SLC15A1: variants seen among roughly 807,000 people sequenced by gnomAD.
The protein encoded by SLC15A1 is Caco-2 oligopeptide transporter.
A neutral mutation model predicts 92.9 loss-of-function variants in SLC15A1; 83 were observed. That is an observed-to-expected ratio of 0.89 (90% CI 0.75 to 1.07). The LOEUF is 1.07. SLC15A1 is among the 50% of genes least tolerant of loss of function. The pLI is 0.00. For missense variants in SLC15A1, 857 were observed against 880.1 expected (o/e 0.97, Z 0.33); for synonymous variants, 322 against 318.2 (o/e 1.01, Z -0.13).
rs1361313592 is a variant in SLC15A1, at chr13:98,707,853, G to C, written c.1149+833C>G. Among the ~76,000 whole-genome samples, 7 of 130,096 alleles carry C rather than the reference G, an allele frequency of 5.4e-5. 1 individual carries two copies. The South Asian group carries it at 1.5e-3, about 28-fold the overall frequency. The allele number at this position is 130,096 out of a possible 152,430, so 85.3% of individuals were successfully genotyped here. On this transcript the variant is annotated intron_variant, in intron 15 of 22. Transcript: ENST00000376503. The stretch of plus-strand genomic sequence containing the variant: ...CTGCAGTGAGCATGATCGCACCACT[G>C]CACTCCAGCAGCCTAGGCGACAGAG...
At chr13:98,750,509 T>C (rs1453073455) in intron 1 of SLC15A1, among the ~76,000 whole-genome samples, 1 of 152,160 alleles carries the variant, frequency 6.6e-6, no homozygotes, top group Non-Finnish European at 1.5e-5. Context: ...CTGAGTCTCA[T>C]CCAATCCCTC....
Position 98,710,869 on chromosome 13 carries a change from G to A in SLC15A1, c.901-958C>T, listed in dbSNP as rs4646224. Among the ~76,000 whole-genome samples, 151 of 148,360 alleles carry A rather than the reference G, an allele frequency of 1.0e-3. 2 individuals carry two copies. In the East Asian group the frequency reaches 0.029, roughly 28 times the overall value. On this transcript the variant is annotated intron_variant, in intron 11 of 22. Transcript: ENST00000376503. ...CTGTTTGAGTTCTTCATACAGGCCA[G>A]TCACTGAGTACCTTATGGATGTTCT... is the stretch of plus-strand genomic sequence containing the variant.
At chr13:98,710,013 T>C (rs998290819) in intron 11 of SLC15A1, 102 bp from the exon 12 acceptor site, 6 of 1,074,208 alleles carry the variant, frequency 5.6e-6, no homozygotes, top group African/African-American at 1.6e-5. Context: ...AGGTCTGACA[T>C]GTTATGGGAT....
chr13:98,715,437 T>G (rs2088205219), intron 9 of SLC15A1, among the ~76,000 whole-genome samples: 1 of 152,242 alleles, frequency 6.6e-6, no homozygotes, highest in Non-Finnish European at 1.5e-5. Flanking sequence ...CCTCCCAAAG[T>G]GCTGGGACTA....
chr13:98,739,130 C>T (rs955722965), intron 1 of SLC15A1, among the ~76,000 whole-genome samples: 1 of 152,144 alleles, frequency 6.6e-6, no homozygotes, highest in African/African-American at 2.4e-5. Context: ...GATGATTTCT[C>T]CCTTTGGAAT....
chr13:98,708,539 G>A (rs1697806293), intron 15 of SLC15A1, 147 bp downstream of exon 15: 7 of 558,742 alleles, frequency 1.3e-5, no homozygotes, highest in Non-Finnish European at 2.1e-5. Context: ...CACCCATGGT[G>A]CCTCCCACTG....
At chr13:98,748,773 A>G (rs557249309) in intron 1 of SLC15A1, among the ~76,000 whole-genome samples, 2 of 152,032 alleles carry the variant, frequency 1.3e-5, no homozygotes, top group East Asian at 3.9e-4. Context: ...GGCAGGGGTC[A>G]AAAAAAAGAA....
At chr13:98,735,629 C>T (rs1472757705) in intron 1 of SLC15A1, among the ~76,000 whole-genome samples, 1 of 152,198 alleles carries the variant, frequency 6.6e-6, no homozygotes, top group Non-Finnish European at 1.5e-5. Flanking sequence ...AGCTGATAAG[C>T]AACTTCAGCA....
rs577967127 is a variant in SLC15A1, at chr13:98,711,252, T to C, written c.900+602A>G. 2.6e-5 allele frequency among the ~76,000 whole-genome samples: 4 copies of C among 152,334 alleles called. 1 individual carries two copies. The highest frequency in any genetic ancestry group is 9.6e-5 in the African/African-American group (4 of 41,578). ...AGGATTGATCTTTAAAAACAAACAC[T>C]TTCCAATTGCTTTGGTTACTGAGCC... is the stretch of plus-strand genomic sequence containing the variant. On this transcript the variant is annotated intron_variant, in intron 11 of 22. Coordinates refer to ENST00000376503, the MANE Select transcript of SLC15A1 (RefSeq NM_005073.4).
intron 1 of SLC15A1, among the ~76,000 whole-genome samples, chr13:98,727,839 A>T (rs886069355): frequency 6.6e-6 from 1 of 152,160 alleles, no homozygotes; most frequent in African/African-American, 2.4e-5. Flanking sequence ...CTTATATTAG[A>T]GTTCTTTGTT....
chr13:98,702,521 A>G lies in SLC15A1; in HGVS notation c.1425T>C (p.Asp475=), dbSNP rs765394072. The change falls in exon 18 of 23, where the codon GAT becomes GAC. Residue 475 remains aspartate, a synonymous_variant. Transcript: ENST00000376503. ...CTTTTTCTGGCTTCTGGTTAAGACC[A>G]TCCTTTACCTGAGAGAGAAAACAGT... The part of the protein sequence containing the change: ...WAPNHYQVVK[D]GLNQKPEKGE... The G allele has an allele frequency of 1.1e-5, 18 of 1,604,920 alleles. No individual in the cohort carries two copies. Among genetic ancestry groups the G allele is most frequent in the African/African-American group, 4.0e-5 (3 of 74,686 alleles).
intron 4 of SLC15A1, among the ~76,000 whole-genome samples, chr13:98,724,663 G>A (rs1342605213): frequency 6.6e-6 from 1 of 151,952 alleles, no homozygotes; most frequent in Non-Finnish European, 1.5e-5. Context: ...TAGTAGAGAC[G>A]GGGGTTTCAC....
At chr13:98,751,835 G>A (rs2139620076) in intron 1 of SLC15A1, among the ~76,000 whole-genome samples, 1 of 152,338 alleles carries the variant, frequency 6.6e-6, no homozygotes, top group East Asian at 1.9e-4. Context: ...CAAAATGCTG[G>A]CCGGGGGCAT....
rs1028868456 is a variant in SLC15A1, at chr13:98,687,728, C to T, written c.1684-4G>A. ...TCACTTCAGGGCAGCTGTCATTCTGCAGCAGTAAGGCAAAAGCAGAAGAAG... is the reference window on the plus strand; with the variant it reads ...TCACTTCAGGGCAGCTGTCATTCTGTAGCAGTAAGGCAAAAGCAGAAGAAG... On this transcript the variant is annotated splice_region_variant and splice_polypyrimidine_tract_variant and intron_variant, in intron 20 of 22. Transcript: ENST00000376503. 1.9e-6 allele frequency: 3 copies of T among 1,612,092 alleles called. No homozygotes were observed. Among genetic ancestry groups the T allele is most frequent in the Non-Finnish European group, 1.7e-6 (2 of 1,179,446 alleles).
At chr13:98,732,864 G>C (rs558202868) in intron 1 of SLC15A1, among the ~76,000 whole-genome samples, 1 of 152,190 alleles carries the variant, frequency 6.6e-6, no homozygotes, top group Non-Finnish European at 1.5e-5. Context: ...TGGTCAGAAT[G>C]GTGGTCCCCT....
chr13:98,698,915 C>G (rs1008057595), intron 18 of SLC15A1, among the ~76,000 whole-genome samples: 2 of 152,158 alleles, frequency 1.3e-5, no homozygotes, highest in East Asian at 3.9e-4. Flanking sequence ...TGGGGTTGAA[C>G]GTTGAGGTGA....
At chr13:98,699,578 T>A (rs1306661455) in intron 18 of SLC15A1, among the ~76,000 whole-genome samples, 2 of 152,210 alleles carry the variant, frequency 1.3e-5, no homozygotes, top group East Asian at 3.8e-4. Context: ...TCTATAAACA[T>A]TCATGTGTGG....
intron 1 of SLC15A1, among the ~76,000 whole-genome samples, chr13:98,747,180 G>A (rs1339447337): frequency 2.0e-5 from 3 of 152,168 alleles, no homozygotes; most frequent in African/African-American, 4.8e-5. Context: ...TTGCAACCCC[G>A]GGATGATGAG....
At chr13:98,726,766 G>T in intron 2 of SLC15A1, 77 bp downstream of exon 2, 1 of 1,394,656 alleles carries the variant, frequency 7.2e-7, no homozygotes, top group Non-Finnish European at 1.0e-6. Flanking sequence ...TCTGTTAGGT[G>T]AATGAACCCT....
Sources: allele counts gnomAD v4.1 joint callset (sites outside exome capture counted in the v4.1 genomes callset), GRCh38; gene constraint gnomAD v4.1.1; transcripts MANE v1.5; gene names NCBI Gene and HGNC (gene_info 2026-07-23, HGNC 2026-07-21).